Variants in RANBP3 observed in about 807,000 individuals in gnomAD.
RANBP3 encodes ran-binding protein 3.
In RANBP3, 14 loss-of-function variants were observed where a neutral mutation model predicts 77.3. The ratio of observed to expected loss-of-function variants is 0.18; its 90% CI spans 0.12 to 0.28. RANBP3 has a LOEUF of 0.28. Ranked by LOEUF, RANBP3 falls within the 10% of genes least tolerant of loss-of-function variation. The pLI, the probability that RANBP3 is intolerant of heterozygous loss-of-function variation, is 1.00. For synonymous variants in RANBP3, 315 were observed against 312.4 expected, an observed-to-expected ratio of 1.01 and a Z score of -0.09; for missense variants, 586 against 752.3, an observed-to-expected ratio of 0.78 and a Z score of 2.59.
At chr19:5,953,349 C>T (rs2058297681) in intron 2 of RANBP3, among the ~76,000 whole-genome samples, 1 of 152,152 alleles carries the variant, frequency 6.6e-6, no homozygotes. Flanking sequence ...CAAGAGTTTG[C>T]CAGCCTTTGA....
rs192887962 is a variant in RANBP3 at position 5,938,212 on chromosome 19, G to T, written c.406+3409C>A. On this transcript the variant is annotated intron_variant, in intron 5 of 16. Transcript: ENST00000340578. ...TCACAATGCTTTTGAAGTCGGCAAT[G>T]AATTTATATATGGTAGGTTGGGTTA... Among the ~76,000 whole-genome samples the T allele has an allele frequency of 1.8e-4, 28 of 152,298 alleles. No homozygotes were observed. The South Asian group carries it at 5.6e-3, about 30-fold the overall frequency.
chr19:5,929,145 A>C (rs2057953354), intron 8 of RANBP3, among the ~76,000 whole-genome samples: 1 of 152,232 alleles, frequency 6.6e-6, no homozygotes, highest in East Asian at 1.9e-4. Flanking sequence ...TTTCTGGTCC[A>C]ACTGTGAAGG....
chr19:5,921,030 C>A lies in RANBP3; in HGVS notation c.1330+171G>T. On this transcript the variant is annotated intron_variant, in intron 14 of 16. Coordinates refer to ENST00000340578, the MANE Select transcript of RANBP3 (RefSeq NM_007322.3). The surrounding 1 kb of genome is among the most constrained non-coding windows in gnomAD (Gnocchi z 5.3). ...CAGTGTGTGAGGGTGGTGTTGAGGG[C>A]TGGGTGCAGGGAGGGGGTTTGGGGG... 1 of 680,526 alleles carries A rather than the reference C, an allele frequency of 1.5e-6. No individual in the cohort carries two copies. The highest frequency in any genetic ancestry group is 1.9e-5 in the African/African-American group (1 of 54,004). 42.2% of individuals were successfully genotyped at this position (680,526 alleles called of 1,614,324 possible).
rs762612308 is a variant in RANBP3 at position 5,921,891 on chromosome 19, G to A, written c.1210-570C>T. Among the ~76,000 whole-genome samples, 1 of 152,166 alleles carries A rather than the reference G, an allele frequency of 6.6e-6. No individual in the cohort carries two copies. The highest frequency in any genetic ancestry group is 1.5e-5 in the Non-Finnish European group (1 of 68,034). The stretch of plus-strand genomic sequence containing the variant: ...CAGTCTTAATAAAGAACAAGGCTCC[G>A]ACCCCCGCTGCAACGTGGATGAACC... On this transcript the variant is annotated intron_variant, in intron 13 of 16. Coordinates refer to ENST00000340578, the MANE Select transcript of RANBP3 (RefSeq NM_007322.3). This position sits in a 1 kb window ranked among gnomAD's most constrained non-coding sequence, Gnocchi z 5.3.
chr19:5,917,675 G>A lies in RANBP3; in HGVS notation c.1661-22C>T, dbSNP rs763142858. ...GCACCTGCAGGGAAGCAGCAGCCCC[G>A]CATCAGGATGGAGCCCGCACTTCCC... is the stretch of plus-strand genomic sequence containing the variant. On this transcript the variant is annotated intron_variant, in intron 16 of 16. Transcript: ENST00000340578. 33 of 1,603,776 alleles carry A rather than the reference G, an allele frequency of 2.1e-5. No individual in the cohort carries two copies. The Admixed American group carries it at 2.2e-4, about 11-fold the overall frequency.
intron 3 of RANBP3, among the ~76,000 whole-genome samples, chr19:5,946,646 T>C (rs1179320798): frequency 6.6e-6 from 1 of 152,072 alleles, no homozygotes; most frequent in Non-Finnish European, 1.5e-5. Flanking sequence ...CCACGTGAGG[T>C]GCCGCCTGCC....
chr19:5,962,398 G>GT (rs1321882044), intron 1 of RANBP3, among the ~76,000 whole-genome samples: 17 of 152,218 alleles, frequency 1.1e-4, no homozygotes, highest in African/African-American at 4.1e-4. Flanking sequence ...ACCCCTAGAT[G>GT]TAAGTTCTAG....
chr19:5,977,448 G>A (rs1555768059), intron 1 of RANBP3, among the ~76,000 whole-genome samples: 1 of 152,148 alleles, frequency 6.6e-6, no homozygotes, highest in Non-Finnish European at 1.5e-5. Context: ...CAGATCCTGC[G>A]GCGGGGCCTA....
At chr19:5,935,899 A>C in intron 5 of RANBP3, 1 of 440,754 alleles carries the variant, frequency 2.3e-6, no homozygotes, top group South Asian at 1.6e-5. Flanking sequence ...CGCCTGCCAC[A>C]TACCCAAAGG....
In RANBP3 at chr19:5,931,405, T is replaced by G. The variant is rs1216676690; in HGVS notation, c.692A>C (p.Glu231Ala). 1 of 1,608,106 alleles carries G rather than the reference T, an allele frequency of 6.2e-7. No individual in the cohort carries two copies. The highest frequency in any genetic ancestry group is 8.5e-7 in the Non-Finnish European group (1 of 1,175,992). ...TTCCCTGCCTCAGGACCCACTGACCTCAAGTGCACACACCTCATCGGCAGC... is the reference window on the plus strand; with the variant it reads ...TTCCCTGCCTCAGGACCCACTGACCGCAAGTGCACACACCTCATCGGCAGC... The part of the protein sequence containing the change: ...SEAADEVCAL[E>A]EKEPQKNESS... The change falls in exon 8 of 17, where the codon GAG (glutamate) becomes GCG (alanine). Residue 231 changes from glutamate to alanine, a missense_variant and splice_region_variant. Transcript: ENST00000340578.
intron 1 of RANBP3, among the ~76,000 whole-genome samples, chr19:5,960,653 G>T (rs2058388453): frequency 6.6e-6 from 1 of 152,226 alleles, no homozygotes; most frequent in Non-Finnish European, 1.5e-5. Context: ...TGCCAGGCTA[G>T]TAAGGAAGGG....
chr19:5,931,391 A>T lies in RANBP3; in HGVS notation c.693+13T>A, dbSNP rs755464687. ...CTAGCATGCAGCGCTTCCCTGCCTC[A>T]GGACCCACTGACCTCAAGTGCACAC... is the stretch of plus-strand genomic sequence containing the variant. On this transcript the variant is annotated intron_variant, in intron 8 of 16. Transcript: ENST00000340578. The T allele has an allele frequency of 9.4e-6, 15 of 1,602,700 alleles. No individual in the cohort carries two copies. The highest frequency in any genetic ancestry group is 1.2e-5 in the Non-Finnish European group (14 of 1,172,076).
intron 3 of RANBP3, among the ~76,000 whole-genome samples, chr19:5,946,272 G>C (rs938083747): frequency 6.6e-6 from 1 of 152,176 alleles, no homozygotes; most frequent in Non-Finnish European, 1.5e-5. Flanking sequence ...CGGGACACCT[G>C]CACAGAAGGC....
chr19:5,937,796 T>C (rs2058085760), intron 5 of RANBP3, among the ~76,000 whole-genome samples: 1 of 152,064 alleles, frequency 6.6e-6, no homozygotes, highest in South Asian at 2.1e-4. Context: ...GAAAGGTCTG[T>C]GGGGAGAGAG....
At chr19:5,962,892 C>T (rs767739460) in intron 1 of RANBP3, among the ~76,000 whole-genome samples, 8 of 152,116 alleles carry the variant, frequency 5.3e-5, no homozygotes, top group Non-Finnish European at 8.8e-5. Context: ...TTCCCTATCA[C>T]CAGGCTGATT....
At position 5,951,458 on chromosome 19, in the gene RANBP3, C is replaced by T; in HGVS notation, c.217G>A (p.Ala73Thr). 6.2e-7 allele frequency: 1 copy of T among 1,603,844 alleles called. No individual in the cohort carries two copies. The highest frequency in any genetic ancestry group is 8.5e-7 in the Non-Finnish European group (1 of 1,175,050). ...GGAGCGGGAGGCGGAGGAGTGCTGG[C>T]TGAGGCGCCAGCAGGGGCAGGAGGT... Reference protein sequence around the residue: ...LEPPAPAGASASTPPPPAPEA... With the variant: ...LEPPAPAGASTSTPPPPAPEA... The change falls in exon 3 of 17, where the codon GCC (alanine) becomes ACC (threonine). Residue 73 changes from alanine to threonine, a missense_variant. Coordinates refer to ENST00000340578, the MANE Select transcript of RANBP3 (RefSeq NM_007322.3).
chr19:5,945,477 T>C (rs2058192269), intron 3 of RANBP3, among the ~76,000 whole-genome samples: 1 of 152,186 alleles, frequency 6.6e-6, no homozygotes, highest in Non-Finnish European at 1.5e-5. Context: ...TGGCCCCCCA[T>C]GGAGAATTTT....
intron 1 of RANBP3, among the ~76,000 whole-genome samples, chr19:5,965,537 T>C (rs73923405): frequency 0.019 from 2,879 of 151,904 alleles, 94 homozygotes; most frequent in African/African-American, 0.066. Context: ...GGGGAGAGGG[T>C]GCTGTAGAGC....
At position 5,933,159 on chromosome 19, in the gene RANBP3, G is replaced by A. The variant is rs757441; in HGVS notation, c.472+255C>T. On this transcript the variant is annotated intron_variant, in intron 6 of 16. Coordinates refer to ENST00000340578, the MANE Select transcript of RANBP3 (RefSeq NM_007322.3). The stretch of plus-strand genomic sequence containing the variant: ...TGCGCTACTGCTGGGCATGGAGCCC[G>A]CCCGATGCACCCCGCCTAGCCTGCT... 8.6e-3 allele frequency: 3,842 copies of A among 447,642 alleles called. 22 individuals are homozygous for A. Among genetic ancestry groups the A allele is most frequent in the Non-Finnish European group, 0.012 (3,112 of 250,362 alleles). 27.7% of individuals were successfully genotyped at this position (447,642 alleles called of 1,614,324 possible).
Sources: gnomAD v4.1 joint callset for allele counts (sites outside exome capture counted in the v4.1 genomes callset) on GRCh38, gnomAD v4.1.1 for gene constraint, Gnocchi (gnomAD v3.1) non-coding constraint, MANE v1.5 for transcripts, NCBI Gene and HGNC (gene_info 2026-07-23, HGNC 2026-07-21) for gene names.